Variants in CADPS observed in about 807,000 individuals in gnomAD.
CADPS encodes the protein calcium-dependent secretion activator 1.
CADPS carries 57 observed loss-of-function variants against 167.3 expected under a neutral mutation model. The ratio of observed to expected loss-of-function variants is 0.34; its 90% confidence interval spans 0.28 to 0.42. The LOEUF is 0.42. Among genes scored for constraint, CADPS ranks in the 20% least tolerant of loss-of-function variants. CADPS has a pLI of 1.00. For missense variants in CADPS, 1,414 were observed against 1,738.1 expected, an observed-to-expected ratio of 0.81 and a Z score of 3.32; for synonymous variants, 676 against 635.3, an observed-to-expected ratio of 1.06 and a Z score of -0.96.
At position 62,481,884 on chromosome 3, in the gene CADPS, G is replaced by A. The variant is rs1398105377; in HGVS notation, c.3027-15C>T. ...TGGTTAAACTCCTGTGGAAGAAACA[G>A]ACAGAAAGAAAAAATACCATCACAG... On this transcript the variant is annotated splice_polypyrimidine_tract_variant and intron_variant, in intron 21 of 29. Coordinates refer to ENST00000383710, the MANE Select transcript of CADPS (RefSeq NM_003716.4). The A allele has an allele frequency of 6.3e-7, 1 of 1,599,992 alleles. No individual in the cohort carries two copies. The highest frequency in any genetic ancestry group is 1.8e-5 in the Admixed American group (1 of 56,756).
At chr3:62,869,074 A>T (rs148543459) in intron 1 of CADPS, among the ~76,000 whole-genome samples, 1 of 152,216 alleles carries the variant, frequency 6.6e-6, no homozygotes, top group African/African-American at 2.4e-5. Flanking sequence ...TTTATGTCAT[A>T]CTGGTTGAGC....
chr3:62,584,708 T>C (rs758555435), intron 8 of CADPS, among the ~76,000 whole-genome samples: 3 of 152,196 alleles, frequency 2.0e-5, no homozygotes, highest in Non-Finnish European at 4.4e-5. Context: ...AAATTTTCTA[T>C]TTTTTTCTCA....
chr3:62,844,648 A>G (rs2077123928), intron 1 of CADPS, among the ~76,000 whole-genome samples: 1 of 152,154 alleles, frequency 6.6e-6, no homozygotes, highest in African/African-American at 2.4e-5. Flanking sequence ...TGACCTGTGA[A>G]CTATTTGAAG....
intron 7 of CADPS, among the ~76,000 whole-genome samples, chr3:62,589,039 T>C (rs1465646591): frequency 6.6e-6 from 1 of 151,862 alleles, no homozygotes; most frequent in Non-Finnish European, 1.5e-5. Context: ...TCACTATATA[T>C]CAATTTTAAC....
At position 62,584,178 on chromosome 3, in the gene CADPS, T is replaced by G. The variant is rs369240343; in HGVS notation, c.1577+1007A>C. On this transcript the variant is annotated intron_variant, in intron 8 of 29. Coordinates refer to ENST00000383710, the MANE Select transcript of CADPS (RefSeq NM_003716.4). ...CACCACCATGCCCAGCTAATTTTTT[T>G]GTATTTTTAGTAGAGATGGAGTTTC... Among the ~76,000 whole-genome samples the G allele has an allele frequency of 5.1e-4, 77 of 152,148 alleles. 1 individual carries two copies. The highest frequency in any genetic ancestry group is 1.8e-3 in the African/African-American group (73 of 41,504).
chr3:62,831,210 C>G (rs1165212512), intron 1 of CADPS, among the ~76,000 whole-genome samples: 3 of 152,134 alleles, frequency 2.0e-5, no homozygotes, highest in Non-Finnish European at 4.4e-5. Context: ...CTGTGCAACA[C>G]TTTACATATA....
At chr3:62,760,235 A>G (rs1246259912) in intron 2 of CADPS, among the ~76,000 whole-genome samples, 1 of 152,120 alleles carries the variant, frequency 6.6e-6, no homozygotes, top group African/African-American at 2.4e-5. Flanking sequence ...TATATTAATA[A>G]TGGAACTGTC....
intron 27 of CADPS, chr3:62,439,338 A>G (rs1026525800): frequency 1.3e-5 from 2 of 152,194 alleles, no homozygotes; most frequent in Non-Finnish European, 2.9e-5. Flanking sequence ...GATACAAAGC[A>G]AACAATTATC....
intron 3 of CADPS, among the ~76,000 whole-genome samples, chr3:62,667,560 G>T (rs1218533800): frequency 6.6e-6 from 1 of 152,048 alleles, no homozygotes. Flanking sequence ...AGGTTCTCTA[G>T]ATCCTCGATG....
intron 18 of CADPS, among the ~76,000 whole-genome samples, chr3:62,497,617 G>T (rs890866587): frequency 6.6e-6 from 1 of 152,138 alleles, no homozygotes. Context: ...TGTGCGTTGC[G>T]GATAGATGCT....
At chr3:62,435,667 A>AT (rs1022156819) in intron 28 of CADPS, among the ~76,000 whole-genome samples, 55 of 150,538 alleles carry the variant, frequency 3.7e-4, no homozygotes, top group Non-Finnish European at 6.2e-4. Context: ...CTCCTGAAAA[A>AT]TTTTTTTTTT....
At chr3:62,788,384 G>C (rs1445299087) in intron 1 of CADPS, among the ~76,000 whole-genome samples, 1 of 152,130 alleles carries the variant, frequency 6.6e-6, no homozygotes, top group Admixed American at 6.5e-5. Flanking sequence ...GTTAAGAAGA[G>C]GTTGAGAAAA....
At chr3:62,567,311 G>A (rs2080399155) in intron 9 of CADPS, among the ~76,000 whole-genome samples, 1 of 151,998 alleles carries the variant, frequency 6.6e-6, no homozygotes, top group East Asian at 1.9e-4. Context: ...CACCACCCAA[G>A]GTATTGCCTG....
chr3:62,769,198 C>T (rs1347538174), intron 1 of CADPS, among the ~76,000 whole-genome samples: 1 of 151,672 alleles, frequency 6.6e-6, no homozygotes, highest in Non-Finnish European at 1.5e-5. Flanking sequence ...CTCAATACAT[C>T]TTAGCTACTG....
At chr3:62,733,856 T>C (rs922027912) in intron 3 of CADPS, among the ~76,000 whole-genome samples, 3 of 152,102 alleles carry the variant, frequency 2.0e-5, no homozygotes, top group Non-Finnish European at 4.4e-5. Flanking sequence ...CTACCCTTCC[T>C]CCAGAGTCCC....
At chr3:62,472,851 TC>T in intron 24 of CADPS, among the ~76,000 whole-genome samples, 1 of 152,218 alleles carries the variant, frequency 6.6e-6, no homozygotes, top group Non-Finnish European at 1.5e-5. Context: ...GGGCTATCCT[TC>T]CTACCTGAGT....
At chr3:62,677,143 T>C (rs2076456233) in intron 3 of CADPS, among the ~76,000 whole-genome samples, 1 of 152,086 alleles carries the variant, frequency 6.6e-6, no homozygotes, top group Non-Finnish European at 1.5e-5. Context: ...CTTCAGTTTA[T>C]TATCAGAGAA....
At chr3:62,447,521 T>C (rs1294692718) in intron 26 of CADPS, among the ~76,000 whole-genome samples, 1 of 152,150 alleles carries the variant, frequency 6.6e-6, no homozygotes, top group Non-Finnish European at 1.5e-5. Context: ...CATGGCTGTC[T>C]CCTCATTGAT....
intron 1 of CADPS, among the ~76,000 whole-genome samples, chr3:62,854,326 C>A (rs2079220578): frequency 6.6e-6 from 1 of 152,164 alleles, no homozygotes. Flanking sequence ...AAGGTCATGG[C>A]AAGCAATCAA....
Sources: gnomAD v4.1 joint callset for allele counts (sites outside exome capture counted in the v4.1 genomes callset) on GRCh38, gnomAD v4.1.1 for gene constraint, MANE v1.5 for transcripts, NCBI Gene and HGNC (gene_info 2026-07-23, HGNC 2026-07-21) for gene names.